Variants in SH2D4A observed in about 807,000 individuals in gnomAD.
SH2D4A encodes SH2 domain containing 4A, also known as SH2 domain-containing protein 4A.
A neutral mutation model predicts 64.7 loss-of-function variants in SH2D4A; 70 were observed. That is an observed-to-expected ratio of 1.08 (90% CI 0.89 to 1.32). The LOEUF is 1.32. Among genes scored for constraint, SH2D4A ranks in the 40% most tolerant of loss-of-function variants. The pLI is 0.00. For synonymous variants in SH2D4A, 268 were observed against 200.7 expected (o/e 1.34, Z -2.83); for missense variants, 706 against 540.1 (o/e 1.31, Z -3.04).
At chr8:19,317,303 A>ATTTT (rs761621347) in intron 1 of SH2D4A, among the ~76,000 whole-genome samples, 57 of 97,368 alleles carry the variant, frequency 5.9e-4, no homozygotes, top group African/African-American at 8.0e-4. Context: ...CAAGACATCC[A>ATTTT]TTTTTTTTTT....
chr8:19,322,689 A>G (rs2052212525), intron 2 of SH2D4A, among the ~76,000 whole-genome samples: 2 of 146,272 alleles, frequency 1.4e-5, no homozygotes, highest in South Asian at 4.3e-4. Context: ...TGAGATTTCA[A>G]CTCACTGCAA....
intron 8 of SH2D4A, 82 bp from the exon 9 acceptor site, chr8:19,393,236 A>G (rs2053523000): frequency 1.9e-5 from 24 of 1,273,864 alleles, no homozygotes; most frequent in South Asian, 1.2e-4. Flanking sequence ...CATTGACTCT[A>G]TATCCATGCA....
intron 8 of SH2D4A, among the ~76,000 whole-genome samples, chr8:19,388,050 T>C (rs899466224): frequency 7.2e-5 from 11 of 152,198 alleles, no homozygotes; most frequent in African/African-American, 2.7e-4. Flanking sequence ...TACACATACG[T>C]AACCAATCAA....
At chr8:19,321,097 A>T (rs750783185) in intron 2 of SH2D4A, among the ~76,000 whole-genome samples, 8 of 152,234 alleles carry the variant, frequency 5.3e-5, no homozygotes, top group Non-Finnish European at 1.0e-4. Context: ...CCTGTTTCAG[A>T]CACTATGTGA....
rs540317960 is a variant in SH2D4A at position 19,382,726 on chromosome 8, A to G, written c.1048+9066A>G. On this transcript the variant is annotated intron_variant, in intron 8 of 9. Transcript: ENST00000265807. Reference sequence around the variant, plus strand: ...TTGGCCCACTGCTGTCTGTCCTCCAAAATTACTGATGAGAAATCTGGGGAT... The same window carrying G: ...TTGGCCCACTGCTGTCTGTCCTCCAGAATTACTGATGAGAAATCTGGGGAT... Among the ~76,000 whole-genome samples, 68 of 151,898 alleles carry G rather than the reference A, an allele frequency of 4.5e-4. 1 individual carries two copies. The South Asian group carries it at 9.0e-3, about 20-fold the overall frequency.
chr8:19,386,562 C>G (rs902160768), intron 8 of SH2D4A, among the ~76,000 whole-genome samples: 2 of 152,144 alleles, frequency 1.3e-5, no homozygotes, highest in African/African-American at 2.4e-5. Context: ...TACACATGCC[C>G]AGGACTGGAC....
At chr8:19,338,279 G>A (rs2052474459) in intron 4 of SH2D4A, among the ~76,000 whole-genome samples, 3 of 152,154 alleles carry the variant, frequency 2.0e-5, no homozygotes. Flanking sequence ...ACCTCCTCGT[G>A]CTGTAGATTT....
chr8:19,371,568 A>G (rs2053099416), intron 7 of SH2D4A, among the ~76,000 whole-genome samples: 1 of 152,062 alleles, frequency 6.6e-6, no homozygotes, highest in Non-Finnish European at 1.5e-5. Flanking sequence ...GTTGAATCTG[A>G]CTGGTGACCT....
intron 9 of SH2D4A, 80 bp downstream of exon 9, chr8:19,393,621 A>T (rs1432377314): frequency 7.0e-7 from 1 of 1,418,594 alleles, no homozygotes; most frequent in Non-Finnish European, 9.8e-7. Context: ...AATTACAAAG[A>T]AAAGGACTGA....
intron 4 of SH2D4A, among the ~76,000 whole-genome samples, chr8:19,345,692 T>A (rs1205914630): frequency 6.6e-6 from 1 of 152,254 alleles, no homozygotes; most frequent in Admixed American, 6.5e-5. Flanking sequence ...TGTAGAGAGC[T>A]GTACCTTCCT....
At chr8:19,380,384 G>A (rs574687053) in intron 8 of SH2D4A, among the ~76,000 whole-genome samples, 15 of 151,814 alleles carry the variant, frequency 9.9e-5, no homozygotes, top group East Asian at 7.7e-4. Context: ...CATGAAATTC[G>A]ATTTGCCTCT....
At position 19,334,807 on chromosome 8, in the gene SH2D4A, C is replaced by G. The variant is rs1223268401; in HGVS notation, c.463C>G (p.Leu155Val). The part of the protein sequence containing the change: ...IWKKVAEKEE[L>V]EQGSRPAPTL... The stretch of plus-strand genomic sequence containing the variant: ...GAAGAAAGTGGCAGAAAAGGAGGAA[C>G]TGGAGCAAGGATCGAGGCCAGCACC... The change falls in exon 4 of 10, where the codon CTG becomes GTG. Residue 155 changes from leucine (L) to valine (V), a missense_variant. Transcript: ENST00000265807. 13 of 1,613,914 alleles carry G rather than the reference C, an allele frequency of 8.1e-6. No individual in the cohort carries two copies. Among genetic ancestry groups the G allele is most frequent in the African/African-American group, 1.3e-5 (1 of 74,906 alleles).
rs180920603 is a variant in SH2D4A, at chr8:19,377,171, C to A, written c.1048+3511C>A. 7.8e-3 allele frequency among the ~76,000 whole-genome samples: 1,193 copies of A among 152,290 alleles called. 6 individuals carry two copies. The highest frequency in any genetic ancestry group is 0.011 in the Non-Finnish European group (764 of 68,026). On this transcript the variant is annotated intron_variant, in intron 8 of 9. Transcript: ENST00000265807. The stretch of plus-strand genomic sequence containing the variant: ...CTAAGGCAGGTAGATCACTTGAGGT[C>A]AGGAGTTCGAGACCAGCCTGGCTAA...
chr8:19,394,492 T>G (rs368122861), intron 9 of SH2D4A, 58 bp from the exon 10 acceptor site: 2 of 1,205,688 alleles, frequency 1.7e-6, no homozygotes, highest in Admixed American at 2.2e-5. Context: ...TCTGAGGAAG[T>G]AGGAAGAGCA....
intron 4 of SH2D4A, among the ~76,000 whole-genome samples, chr8:19,335,889 G>T (rs1275251198): frequency 6.8e-6 from 1 of 146,356 alleles, no homozygotes; most frequent in Non-Finnish European, 1.5e-5. Flanking sequence ...ATTCTACCAG[G>T]AATTTAATTA....
At chr8:19,314,001 G>A in intron 1 of SH2D4A, 178 bp downstream of exon 1, 1 of 1,222,768 alleles carries the variant, frequency 8.2e-7, no homozygotes, top group South Asian at 3.4e-5. Flanking sequence ...GCTCAGGTGC[G>A]GGGTTGGGCG....
At chr8:19,390,854 C>T (rs188029379) in intron 8 of SH2D4A, among the ~76,000 whole-genome samples, 2 of 152,262 alleles carry the variant, frequency 1.3e-5, no homozygotes, top group East Asian at 3.9e-4. Flanking sequence ...TCACTACGAC[C>T]TCATTTTAAA....
intron 8 of SH2D4A, among the ~76,000 whole-genome samples, chr8:19,388,408 A>G (rs2053426693): frequency 1.3e-5 from 2 of 152,202 alleles, no homozygotes; most frequent in Non-Finnish European, 2.9e-5. Context: ...GTCTGAGAGA[A>G]TGGGTGAGAG....
At chr8:19,313,899 G>T in intron 1 of SH2D4A, 76 bp downstream of exon 1, 3 of 1,371,282 alleles carry the variant, frequency 2.2e-6, no homozygotes, top group Non-Finnish European at 2.8e-6. Context: ...AATTTCCTCG[G>T]AGGTTGCATG....
Sources: allele counts gnomAD v4.1 joint callset (sites outside exome capture counted in the v4.1 genomes callset), GRCh38; gene constraint gnomAD v4.1.1; transcripts MANE v1.5; gene names NCBI Gene and HGNC (gene_info 2026-07-23, HGNC 2026-07-21).